The following MPZL1 variants were observed in gnomAD, a reference collection of about 807,000 sequenced individuals.
The protein encoded by MPZL1 is myelin protein zero like 1, also known as myelin protein zero-like protein 1.
In MPZL1, 16 loss-of-function variants were observed where a neutral mutation model predicts 29.3. That is an observed-to-expected ratio of 0.55 (90% confidence interval 0.37 to 0.83). The LOEUF (loss-of-function observed/expected upper bound fraction) is 0.83. Ranked by LOEUF, MPZL1 falls within the 40% of genes least tolerant of loss-of-function variation. The pLI is 0.00. For synonymous variants in MPZL1, 143 were observed against 132.0 expected (o/e 1.08, Z -0.57); for missense variants, 279 against 332.9 (o/e 0.84, Z 1.26).
chr1:167,734,362 C>T (rs776517440), intron 1 of MPZL1, among the ~76,000 whole-genome samples: 1 of 152,126 alleles, frequency 6.6e-6, no homozygotes, highest in Non-Finnish European at 1.5e-5. Flanking sequence ...AGTTCATTTA[C>T]TGAGGGCCAC....
chr1:167,783,051 G>A (rs1003584955), intron 5 of MPZL1, among the ~76,000 whole-genome samples: 3 of 152,254 alleles, frequency 2.0e-5, no homozygotes, highest in South Asian at 4.2e-4. Flanking sequence ...ACTTGATTGC[G>A]AATCTGGTGG....
At chr1:167,777,444 A>G (rs1661394799) in intron 5 of MPZL1, among the ~76,000 whole-genome samples, 1 of 152,200 alleles carries the variant, frequency 6.6e-6, no homozygotes, top group South Asian at 2.1e-4. Flanking sequence ...AGCAGTTTCC[A>G]CACTGCAGTG....
chr1:167,742,186 G>A (rs935339477), intron 1 of MPZL1, among the ~76,000 whole-genome samples: 5 of 150,878 alleles, frequency 3.3e-5, no homozygotes, highest in African/African-American at 1.2e-4. Flanking sequence ...CCAGCTACTC[G>A]GGAGGTTGAG....
intron 1 of MPZL1, among the ~76,000 whole-genome samples, chr1:167,761,339 G>C (rs921751565): frequency 6.6e-6 from 1 of 152,198 alleles, no homozygotes; most frequent in Non-Finnish European, 1.5e-5. Flanking sequence ...ATTCAGAAGA[G>C]GGAGAATTGC....
intron 2 of MPZL1, among the ~76,000 whole-genome samples, chr1:167,769,947 A>G (rs1661202482): frequency 2.6e-5 from 4 of 152,196 alleles, no homozygotes; most frequent in Admixed American, 2.0e-4. Flanking sequence ...AAAGAGAATC[A>G]AGGATGACTT....
intron 1 of MPZL1, among the ~76,000 whole-genome samples, chr1:167,756,292 G>A (rs1396470250): frequency 6.6e-6 from 1 of 152,008 alleles, no homozygotes; most frequent in Non-Finnish European, 1.5e-5. Flanking sequence ...GAGATCACAG[G>A]TTTGAGCCAC....
intron 1 of MPZL1, among the ~76,000 whole-genome samples, chr1:167,723,445 CTT>C (rs1660081793): frequency 2.0e-5 from 3 of 152,192 alleles, no homozygotes; most frequent in South Asian, 4.1e-4. Flanking sequence ...TGATGACACA[CTT>C]TGTGTAAGAC....
At chr1:167,766,712 A>G (rs1376459244) in intron 2 of MPZL1, among the ~76,000 whole-genome samples, 3 of 152,192 alleles carry the variant, frequency 2.0e-5, no homozygotes, top group South Asian at 2.1e-4. Context: ...TGCCTATGCC[A>G]TTTAATCTTC....
chr1:167,731,321 A>G (rs931116034), intron 1 of MPZL1, among the ~76,000 whole-genome samples: 7 of 1,426 alleles, frequency 4.9e-3, no homozygotes, highest in Non-Finnish European at 8.3e-3. Flanking sequence ...CTGTTATCCC[A>G]GCTATTCGGG....
chr1:167,740,368 T>C (rs1328327886), intron 1 of MPZL1, among the ~76,000 whole-genome samples: 3 of 152,180 alleles, frequency 2.0e-5, no homozygotes, highest in Admixed American at 6.5e-5. Context: ...TGCCACTCCA[T>C]TGAAACTTCT....
chr1:167,768,497 G>C (rs1419393995), intron 2 of MPZL1, among the ~76,000 whole-genome samples: 2 of 151,770 alleles, frequency 1.3e-5, no homozygotes, highest in East Asian at 3.8e-4. Context: ...CCTGAATATG[G>C]GTGTTTTAAG....
intron 1 of MPZL1, among the ~76,000 whole-genome samples, chr1:167,756,415 C>A (rs1345929403): frequency 3.3e-5 from 5 of 150,068 alleles, no homozygotes; most frequent in Non-Finnish European, 5.9e-5. Flanking sequence ...GCATGAGCCA[C>A]CTTGTCTGGC....
intron 1 of MPZL1, among the ~76,000 whole-genome samples, chr1:167,728,780 G>A (rs1004773391): frequency 6.6e-6 from 1 of 152,202 alleles, no homozygotes; most frequent in Admixed American, 6.5e-5. Context: ...TAGAAATGCA[G>A]TATGTCTTTG....
chr1:167,740,047 C>T (rs1419566252), intron 1 of MPZL1, among the ~76,000 whole-genome samples: 1 of 152,206 alleles, frequency 6.6e-6, no homozygotes, highest in African/African-American at 2.4e-5. Flanking sequence ...TCCTACTTCC[C>T]CAGCCCTTCT....
At chr1:167,737,602 G>A (rs1354198031) in intron 1 of MPZL1, among the ~76,000 whole-genome samples, 2 of 152,180 alleles carry the variant, frequency 1.3e-5, no homozygotes, top group African/African-American at 4.8e-5. Flanking sequence ...AGGGAATATG[G>A]GATAAGCCCA....
intron 5 of MPZL1, among the ~76,000 whole-genome samples, chr1:167,786,026 C>T (rs1661586161): frequency 6.6e-6 from 1 of 152,180 alleles, no homozygotes; most frequent in African/African-American, 2.4e-5. Flanking sequence ...ATCTCCTGAC[C>T]TCATGATCCG....
intron 4 of MPZL1, among the ~76,000 whole-genome samples, chr1:167,774,323 C>A (rs1661316572): frequency 6.6e-6 from 1 of 152,312 alleles, no homozygotes; most frequent in African/African-American, 2.4e-5. Context: ...ACAGATCTAA[C>A]TTTAGCCATC....
At chr1:167,729,504 T>C (rs1003620157) in intron 1 of MPZL1, among the ~76,000 whole-genome samples, 1 of 152,228 alleles carries the variant, frequency 6.6e-6, no homozygotes, top group Non-Finnish European at 1.5e-5. Context: ...AGTTATTCTC[T>C]AGTCAAGTCC....
At chr1:167,723,840 C>A (rs1660088568) in intron 1 of MPZL1, among the ~76,000 whole-genome samples, 1 of 152,206 alleles carries the variant, frequency 6.6e-6, no homozygotes, top group African/African-American at 2.4e-5. Context: ...CTTGCCAAAT[C>A]ACCTCTTTTC....
Sources: gnomAD v4.1 joint callset for allele counts (sites outside exome capture counted in the v4.1 genomes callset) on GRCh38, gnomAD v4.1.1 for gene constraint, MANE v1.5 for transcripts, NCBI Gene and HGNC (gene_info 2026-07-23, HGNC 2026-07-21) for gene names.